The following BMPR1B variants were observed in gnomAD, a reference collection of about 807,000 sequenced individuals.
BMPR1B encodes bone morphogenetic protein receptor type 1B.
In BMPR1B, 12 loss-of-function variants were observed where a neutral mutation model predicts 59.1. That is an observed-to-expected ratio of 0.20 (90% confidence interval 0.13 to 0.33). The LOEUF (loss-of-function observed/expected upper bound fraction) is 0.33. BMPR1B is among the 10% of genes least tolerant of loss of function. The probability of loss-of-function intolerance (pLI) is 1.00; values close to 1 mark genes in which losing one functional copy is unlikely to be tolerated. For missense variants in BMPR1B, 550 were observed against 610.9 expected (o/e 0.90, Z 1.05); for synonymous variants, 237 against 207.3 (o/e 1.14, Z -1.23).
At chr4:94,780,474 A>G (rs921293088) in intron 1 of BMPR1B, among the ~76,000 whole-genome samples, 2 of 152,126 alleles carry the variant, frequency 1.3e-5, no homozygotes, top group African/African-American at 2.4e-5. Flanking sequence ...TAATATTGCT[A>G]TAAACATGTA....
intron 1 of BMPR1B, among the ~76,000 whole-genome samples, chr4:94,808,229 T>C (rs1460628604): frequency 6.6e-6 from 1 of 152,142 alleles, no homozygotes; most frequent in African/African-American, 2.4e-5. Context: ...ATACAAAATG[T>C]GGGATTTATG....
At chr4:94,958,260 A>T (rs138379447) in intron 2 of BMPR1B, among the ~76,000 whole-genome samples, 26 of 152,304 alleles carry the variant, frequency 1.7e-4, no homozygotes, top group African/African-American at 5.1e-4. Context: ...AGCTGTGTTG[A>T]TGAGTAAAGT....
At chr4:95,004,813 T>C (rs1722708860) in intron 3 of BMPR1B, among the ~76,000 whole-genome samples, 1 of 152,268 alleles carries the variant, frequency 6.6e-6, no homozygotes, top group African/African-American at 2.4e-5. Flanking sequence ...AAAGAAAGCA[T>C]GGTGACCTAG....
intron 1 of BMPR1B, among the ~76,000 whole-genome samples, chr4:94,784,117 T>G (rs1375832993): frequency 6.6e-6 from 1 of 152,218 alleles, no homozygotes; most frequent in Non-Finnish European, 1.5e-5. Context: ...AGTGTTTTCT[T>G]AGTTTTTTAA....
intron 3 of BMPR1B, among the ~76,000 whole-genome samples, chr4:95,003,105 A>T (rs1259591810): frequency 6.6e-6 from 1 of 152,146 alleles, no homozygotes; most frequent in South Asian, 2.1e-4. Flanking sequence ...AAACATAAGT[A>T]TGTTTTGAAA....
At chr4:94,897,258 G>A (rs1463636436) in intron 2 of BMPR1B, among the ~76,000 whole-genome samples, 1 of 151,988 alleles carries the variant, frequency 6.6e-6, no homozygotes, top group Admixed American at 6.6e-5. Flanking sequence ...ATGACCCTGC[G>A]TGGACTCCGA....
chr4:94,951,814 A>T (rs1274582054), intron 2 of BMPR1B, among the ~76,000 whole-genome samples: 1 of 152,180 alleles, frequency 6.6e-6, no homozygotes, highest in East Asian at 1.9e-4. Flanking sequence ...TTTGTTTGGA[A>T]TAGTTTCAGA....
At chr4:94,876,163 A>G (rs574853739) in intron 2 of BMPR1B, among the ~76,000 whole-genome samples, 127 of 152,346 alleles carry the variant, frequency 8.3e-4, no homozygotes, top group Non-Finnish European at 1.6e-3. Context: ...ATGTTGGCCT[A>G]CACACTTAGT....
intron 1 of BMPR1B, among the ~76,000 whole-genome samples, chr4:94,792,767 A>G (rs970829291): frequency 6.6e-6 from 1 of 152,218 alleles, no homozygotes; most frequent in Non-Finnish European, 1.5e-5. Flanking sequence ...AGATAGTTAC[A>G]TAAGAATTTT....
intron 5 of BMPR1B, among the ~76,000 whole-genome samples, chr4:95,115,231 C>T (rs560743096): frequency 6.6e-6 from 1 of 152,292 alleles, no homozygotes; most frequent in African/African-American, 2.4e-5. Context: ...CCTCATAACA[C>T]ATTTCTCACA....
At chr4:94,892,873 A>G (rs933691850) in intron 2 of BMPR1B, among the ~76,000 whole-genome samples, 1 of 152,030 alleles carries the variant, frequency 6.6e-6, no homozygotes, top group Non-Finnish European at 1.5e-5. Context: ...TGAATGTACT[A>G]TTTCCTGAGG....
intron 3 of BMPR1B, among the ~76,000 whole-genome samples, chr4:95,090,024 C>T (rs554553990): frequency 2.6e-5 from 4 of 151,892 alleles, no homozygotes; most frequent in African/African-American, 9.7e-5. Context: ...GGGTGTTACT[C>T]GGAAATTGAA....
At chr4:94,858,103 G>A (rs1471732795) in intron 1 of BMPR1B, among the ~76,000 whole-genome samples, 2 of 123,098 alleles carry the variant, frequency 1.6e-5, no homozygotes, top group Admixed American at 1.5e-4. Flanking sequence ...CCACCACCAC[G>A]CCTGGCTAAT....
chr4:95,089,303 A>C (rs1348233765), intron 3 of BMPR1B, among the ~76,000 whole-genome samples: 2 of 152,110 alleles, frequency 1.3e-5, no homozygotes, highest in East Asian at 3.9e-4. Context: ...TCCCAGATAC[A>C]GGCTTTTTGT....
At chr4:95,153,625 G>A (rs1333493452) in intron 12 of BMPR1B, among the ~76,000 whole-genome samples, 3 of 152,102 alleles carry the variant, frequency 2.0e-5, no homozygotes, top group African/African-American at 7.2e-5. Flanking sequence ...GAGGCGGGTG[G>A]ATCACTTGAG....
intron 2 of BMPR1B, among the ~76,000 whole-genome samples, chr4:94,883,311 T>C (rs1409459774): frequency 2.0e-5 from 3 of 152,170 alleles, no homozygotes; most frequent in Non-Finnish European, 4.4e-5. Context: ...TATCAGAGTC[T>C]CAAAGGAGTC....
chr4:94,809,356 C>T (rs1315049098), intron 1 of BMPR1B, among the ~76,000 whole-genome samples: 3 of 152,104 alleles, frequency 2.0e-5, no homozygotes, highest in South Asian at 2.1e-4. Context: ...TAGAATACTC[C>T]GTTATTTCTT....
intron 3 of BMPR1B, chr4:95,103,442 A>G (rs1174717569): frequency 1.0e-6 from 1 of 985,190 alleles, no homozygotes; most frequent in African/African-American, 1.7e-5. Flanking sequence ...TTAAATTGAA[A>G]ACTGCTCACG....
intron 3 of BMPR1B, among the ~76,000 whole-genome samples, chr4:94,998,208 C>T (rs1329492084): frequency 6.6e-6 from 1 of 151,984 alleles, no homozygotes; most frequent in Non-Finnish European, 1.5e-5. Context: ...ATTTTATATG[C>T]AGGTATATTA....
Sources: gnomAD v4.1 joint callset for allele counts (sites outside exome capture counted in the v4.1 genomes callset) on GRCh38, gnomAD v4.1.1 for gene constraint, MANE v1.5 for transcripts, NCBI Gene and HGNC (gene_info 2026-07-23, HGNC 2026-07-21) for gene names.